Variants in VSIR observed in about 807,000 individuals in gnomAD.
VSIR encodes the protein V-set immunoregulatory receptor.
In VSIR, 10 loss-of-function variants were observed where a neutral mutation model predicts 31.0. The observed-to-expected ratio is 0.32, with a 90% CI of 0.20 to 0.55. The LOEUF (loss-of-function observed/expected upper bound fraction) is 0.55. Among genes scored for constraint, VSIR ranks in the 20% least tolerant of loss-of-function variants. The pLI, the probability that VSIR is intolerant of heterozygous loss-of-function variation, is 0.93. For missense variants in VSIR, 356 were observed against 416.2 expected (o/e 0.86, Z 1.26); for synonymous variants, 179 against 180.1 (o/e 0.99, Z 0.05).
intron 1 of VSIR, among the ~76,000 whole-genome samples, chr10:71,763,637 C>A (rs1840454745): frequency 6.6e-6 from 1 of 152,244 alleles, no homozygotes; most frequent in Non-Finnish European, 1.5e-5. Context: ...TGAGCCCCGA[C>A]TCCTCACTCA....
chr10:71,765,558 G>A lies in VSIR; in HGVS notation c.83-3532C>T, dbSNP rs536464126. 4.8e-4 allele frequency among the ~76,000 whole-genome samples: 73 copies of A among 152,330 alleles called. 1 individual carries two copies. The South Asian group carries it at 0.015, about 30-fold the overall frequency. On this transcript the variant is annotated intron_variant, in intron 1 of 6. Transcript: ENST00000394957. ...GAGCCCTCAGGGTCTAAGCAATGGG[G>A]TTAATGACCCCAGGATTGTACCCAT...
intron 1 of VSIR, among the ~76,000 whole-genome samples, chr10:71,768,191 G>A (rs1840600974): frequency 6.6e-6 from 1 of 152,174 alleles, no homozygotes; most frequent in African/African-American, 2.4e-5. Context: ...TGTTGTTTGA[G>A]ATGGAGTCTC....
intron 4 of VSIR, among the ~76,000 whole-genome samples, chr10:71,754,836 C>T (rs139788777): frequency 6.6e-6 from 1 of 152,294 alleles, no homozygotes; most frequent in African/African-American, 2.4e-5. Context: ...CCTAGCTCTG[C>T]CACTTACTAA....
chr10:71,757,072 A>T (rs1840168529), intron 3 of VSIR, among the ~76,000 whole-genome samples: 1 of 152,256 alleles, frequency 6.6e-6, no homozygotes, highest in Non-Finnish European at 1.5e-5. Context: ...TATTGAAAGT[A>T]AAGACATTCT....
chr10:71,749,278 G>A lies in VSIR; in HGVS notation c.*1975C>T, dbSNP rs1282694926. The A allele has an allele frequency of 6.6e-6, 1 of 152,304 alleles. No individual in the cohort carries two copies. Among genetic ancestry groups the A allele is most frequent in the Non-Finnish European group, 1.5e-5 (1 of 68,088 alleles). 9.4% of individuals were successfully genotyped at this position (152,304 alleles called of 1,614,324 possible). A position where few individuals can be genotyped will look rare whatever the true frequency, so the allele number is the denominator to read the frequency against. ...TGCCATGCAGGCCCCCATGAATTGT[G>A]AAAAACATACCCTCTTTCCTTCTTT... is the stretch of plus-strand genomic sequence containing the variant. On this transcript the variant is annotated 3_prime_UTR_variant, in exon 7 of 7. Transcript: ENST00000394957.
chr10:71,748,910 A>G lies in VSIR; in HGVS notation c.*2343T>C, dbSNP rs1370954504. 5 of 152,886 alleles carry G rather than the reference A, an allele frequency of 3.3e-5. No individual in the cohort carries two copies. Among genetic ancestry groups the G allele is most frequent in the Admixed American group, 6.5e-5 (1 of 15,282 alleles). 9.5% of individuals were successfully genotyped at this position (152,886 alleles called of 1,614,324 possible). ...GATGAAGATGGAACTGGGAGCTCAG[A>G]GTAAATTTCGCTGAAAACAGGAAAC... On this transcript the variant is annotated 3_prime_UTR_variant, in exon 7 of 7. Coordinates refer to ENST00000394957, the MANE Select transcript of VSIR (RefSeq NM_022153.2).
chr10:71,766,331 C>T lies in VSIR; in HGVS notation c.83-4305G>A, dbSNP rs146233864. 2.9e-3 allele frequency among the ~76,000 whole-genome samples: 436 copies of T among 152,270 alleles called. 4 individuals carry two copies. Among genetic ancestry groups the T allele is most frequent in the Middle Eastern group, 0.01 (3 of 294 alleles). Reference sequence around the variant, plus strand: ...TGCCAGGCGGGAACCGTCCAGTTGCCGTGCTGCTGTCAAGACCCAGGCCCC... The same window carrying T: ...TGCCAGGCGGGAACCGTCCAGTTGCTGTGCTGCTGTCAAGACCCAGGCCCC... On this transcript the variant is annotated intron_variant, in intron 1 of 6. Transcript: ENST00000394957.
At position 71,762,713 on chromosome 10, in the gene VSIR, G is replaced by A. The variant is rs1233515690; in HGVS notation, c.83-687C>T. On this transcript the variant is annotated intron_variant, in intron 1 of 6. Coordinates refer to ENST00000394957, the MANE Select transcript of VSIR (RefSeq NM_022153.2). ...AGTCTTTGGACTTGGTGCATAGATAGGATTTCAGCCAGTAGAAAGGGTGTC... is the reference window on the plus strand; with the variant it reads ...AGTCTTTGGACTTGGTGCATAGATAAGATTTCAGCCAGTAGAAAGGGTGTC... Among the ~76,000 whole-genome samples the A allele has an allele frequency of 2.6e-5, 4 of 152,246 alleles. No homozygotes were observed. The East Asian group carries it at 7.7e-4, about 29-fold the overall frequency.
At chr10:71,752,754 G>A (rs1840037495) in intron 5 of VSIR, among the ~76,000 whole-genome samples, 1 of 152,114 alleles carries the variant, frequency 6.6e-6, no homozygotes, top group Non-Finnish European at 1.5e-5. Flanking sequence ...CCCGAAGGTG[G>A]GTGCATGACA....
At chr10:71,757,633 C>T (rs372279725) in intron 3 of VSIR, 1 of 152,264 alleles carries the variant, frequency 6.6e-6, no homozygotes, top group East Asian at 1.9e-4. Flanking sequence ...GAGGTAGCTG[C>T]CGACACCGCA....
At chr10:71,764,106 G>A (rs1286186155) in intron 1 of VSIR, among the ~76,000 whole-genome samples, 1 of 152,218 alleles carries the variant, frequency 6.6e-6, no homozygotes, top group Non-Finnish European at 1.5e-5. Context: ...CCCAGAAAGG[G>A]AAAGTGGTTG....
At chr10:71,752,185 G>C (rs1840021836) in intron 5 of VSIR, 1 of 463,886 alleles carries the variant, frequency 2.2e-6, no homozygotes, top group African/African-American at 2.0e-5. Context: ...AGGAATTTGG[G>C]GACAAGTTTC....
At chr10:71,769,347 C>T (rs1172669507) in intron 1 of VSIR, among the ~76,000 whole-genome samples, 3 of 152,148 alleles carry the variant, frequency 2.0e-5, no homozygotes, top group Non-Finnish European at 4.4e-5. Context: ...ATTCAATACC[C>T]TTATATGGTT....
At chr10:71,760,754 G>C (rs41305045) in intron 3 of VSIR, 114 bp downstream of exon 3, 10 of 930,324 alleles carry the variant, frequency 1.1e-5, no homozygotes, top group Admixed American at 7.1e-5. Flanking sequence ...GAGGAGGACC[G>C]GGGGGTTCTG....
chr10:71,749,437 G>C lies in VSIR; in HGVS notation c.*1816C>G, dbSNP rs1839936958. ...TCCTTCCACCTCAGCCCTGCAAAGT[G>C]CTGGGAGGACAGGTGTGTGCCACCA... On this transcript the variant is annotated 3_prime_UTR_variant, in exon 7 of 7. Transcript: ENST00000394957. The C allele has an allele frequency of 6.6e-6, 1 of 152,296 alleles. No individual in the cohort carries two copies. The highest frequency in any genetic ancestry group is 1.5e-5 in the Non-Finnish European group (1 of 68,150). 9.4% of individuals were successfully genotyped at this position (152,296 alleles called of 1,614,324 possible). A position where few individuals can be genotyped will look rare whatever the true frequency, so the allele number is the denominator to read the frequency against.
At chr10:71,772,322 T>C (rs1840704163) in intron 1 of VSIR, among the ~76,000 whole-genome samples, 1 of 152,168 alleles carries the variant, frequency 6.6e-6, no homozygotes, top group Non-Finnish European at 1.5e-5. Context: ...TCCTGCCCAC[T>C]GGGTCCCTGT....
Position 71,755,479 on chromosome 10 carries a change from A to G in VSIR, c.569-13T>C, listed in dbSNP as rs1312963596. 1 of 1,603,764 alleles carries G rather than the reference A, an allele frequency of 6.2e-7. No homozygotes were observed. Reference sequence around the variant, plus strand: ...GCAGCCGTGATGTCTGAAAGGGCAGAGAGGTAGCCAAGGTGAAGCCCCATT... The same window carrying G: ...GCAGCCGTGATGTCTGAAAGGGCAGGGAGGTAGCCAAGGTGAAGCCCCATT... On this transcript the variant is annotated splice_polypyrimidine_tract_variant and intron_variant, in intron 3 of 6. Transcript: ENST00000394957.
chr10:71,762,115 A>G (rs898526813), intron 1 of VSIR, 89 bp from the exon 2 acceptor site: 19 of 1,409,698 alleles, frequency 1.3e-5, no homozygotes, highest in Non-Finnish European at 1.7e-5. Context: ...AGCCTCTGCT[A>G]CTTCCCAGCC....
intron 1 of VSIR, among the ~76,000 whole-genome samples, 177 bp from the exon 2 acceptor site, chr10:71,762,203 T>C (rs755585719): frequency 6.6e-6 from 1 of 152,202 alleles, no homozygotes; most frequent in Non-Finnish European, 1.5e-5. Context: ...CATCCTAGGC[T>C]GTTGTAGGGG....
Sources: gnomAD v4.1 joint callset for allele counts (sites outside exome capture counted in the v4.1 genomes callset) on GRCh38, gnomAD v4.1.1 for gene constraint, MANE v1.5 for transcripts, NCBI Gene and HGNC (gene_info 2026-07-23, HGNC 2026-07-21) for gene names.